Variants in ADK observed in about 807,000 individuals in gnomAD.
ADK encodes the protein N6,N6-dimethyladenosine kinase.
Under a neutral mutation model 44.7 loss-of-function variants are expected in ADK, and 24 were observed. The observed-to-expected ratio is 0.54, with a 90% CI of 0.39 to 0.76. ADK has a LOEUF of 0.76. Among genes scored for constraint, ADK ranks in the 30% least tolerant of loss-of-function variants. ADK has a pLI of 0.00. For synonymous variants in ADK, 128 were observed against 142.6 expected, an observed-to-expected ratio of 0.90 and a Z score of 0.73; for missense variants, 321 against 425.1, an observed-to-expected ratio of 0.76 and a Z score of 2.15.
At chr10:74,404,349 G>A (rs1043655824) in intron 6 of ADK, among the ~76,000 whole-genome samples, 8 of 151,920 alleles carry the variant, frequency 5.3e-5, no homozygotes, top group Middle Eastern at 6.8e-3. Flanking sequence ...TTTTACTCAG[G>A]TATTTATCAT....
At chr10:74,523,640 A>G (rs1170263737) in intron 6 of ADK, among the ~76,000 whole-genome samples, 1 of 152,172 alleles carries the variant, frequency 6.6e-6, no homozygotes, top group African/African-American at 2.4e-5. Flanking sequence ...GAGATCCCTT[A>G]GAACCTCAAC....
At position 74,255,290 on chromosome 10, in the gene ADK, G is replaced by A. The variant is rs149052042; in HGVS notation, c.194+30699G>A. On this transcript the variant is annotated intron_variant, in intron 3 of 10. Coordinates refer to ENST00000539909, the MANE Select transcript of ADK (RefSeq NM_006721.4). ...CCAAATCACCAGTGTGTCTTAGTTG[G>A]TTGTTTCCAGGTGGTTGGTCAGTTG... Among the ~76,000 whole-genome samples, 9 of 152,220 alleles carry A rather than the reference G, an allele frequency of 5.9e-5. No individual in the cohort carries two copies. In the East Asian group the frequency reaches 1.7e-3, roughly 29 times the overall value.
At chr10:74,176,846 C>G in intron 1 of ADK, 1 of 1,607,178 alleles carries the variant, frequency 6.2e-7, no homozygotes, top group Non-Finnish European at 8.5e-7. Context: ...ACGCGGGCGC[C>G]GTGGCGCTGG....
At chr10:74,247,833 TC>T (rs1470887775) in intron 3 of ADK, among the ~76,000 whole-genome samples, 1 of 152,188 alleles carries the variant, frequency 6.6e-6, no homozygotes, top group East Asian at 1.9e-4. Flanking sequence ...TTCCTTTTTT[TC>T]CCCCCTTCTT....
At chr10:74,180,234 TGTTATTATTA>T (rs1200086255) in intron 1 of ADK, among the ~76,000 whole-genome samples, 4 of 43,724 alleles carry the variant, frequency 9.1e-5, no homozygotes, top group African/African-American at 1.9e-4. Context: ...TTATTATTAT[TGTTATTATTA>T]ATTATTATTT....
intron 6 of ADK, among the ~76,000 whole-genome samples, chr10:74,448,882 T>TTAAA (rs1554860168): frequency 1.3e-4 from 20 of 148,600 alleles, no homozygotes; most frequent in African/African-American, 4.4e-4. Context: ...CTGCCTTTTT[T>TTAAA]AAAAAAAAAA....
At chr10:74,582,833 A>G (rs1230121907) in intron 7 of ADK, among the ~76,000 whole-genome samples, 1 of 152,182 alleles carries the variant, frequency 6.6e-6, no homozygotes, top group African/African-American at 2.4e-5. Flanking sequence ...GCATATGGTA[A>G]CAAATGTCAG....
rs185594522 is a variant in ADK at position 74,597,903 on chromosome 10, G to A, written c.763-2476G>A. 1.1e-3 allele frequency among the ~76,000 whole-genome samples: 168 copies of A among 152,250 alleles called. 1 individual carries two copies. Among genetic ancestry groups the A allele is most frequent in the African/African-American group, 3.8e-3 (159 of 41,558 alleles). On this transcript the variant is annotated intron_variant, in intron 8 of 10. Transcript: ENST00000539909. ...ACTAATCTATCTGGCTTAAGGTGAT[G>A]TCTGTCAATTTTCTCTACTATAACA...
chr10:74,703,946 T>C (rs1335771101), intron 10 of ADK, among the ~76,000 whole-genome samples: 1 of 152,254 alleles, frequency 6.6e-6, no homozygotes, highest in Non-Finnish European at 1.5e-5. Flanking sequence ...ATGCTTTTTG[T>C]ACTATTTTTA....
chr10:74,317,263 G>A lies in ADK; in HGVS notation c.273+2518G>A, dbSNP rs540217374. ...GTCTGAACTTCTTCCTAATGAAAGT[G>A]AAAAGTTCTTATCTGCTCAATATCC... is the stretch of plus-strand genomic sequence containing the variant. On this transcript the variant is annotated intron_variant, in intron 4 of 10. Transcript: ENST00000539909. Among the ~76,000 whole-genome samples, 26 of 152,262 alleles carry A rather than the reference G, an allele frequency of 1.7e-4. No individual in the cohort carries two copies. In the South Asian group the frequency reaches 4.8e-3, roughly 28 times the overall value.
chr10:74,452,175 A>G (rs1768460598), intron 6 of ADK, among the ~76,000 whole-genome samples: 1 of 152,008 alleles, frequency 6.6e-6, no homozygotes, highest in African/African-American at 2.4e-5. Flanking sequence ...AAAAATATGA[A>G]AGATCTTTTA....
intron 4 of ADK, among the ~76,000 whole-genome samples, chr10:74,367,728 G>A (rs1389775781): frequency 1.3e-5 from 2 of 152,156 alleles, no homozygotes; most frequent in Non-Finnish European, 2.9e-5. Context: ...GTAAACAAGT[G>A]TCCTTTTCAA....
At chr10:74,556,653 C>G (rs909135146) in intron 7 of ADK, among the ~76,000 whole-genome samples, 2 of 152,158 alleles carry the variant, frequency 1.3e-5, no homozygotes, top group Non-Finnish European at 2.9e-5. Flanking sequence ...TAGCTTTTCT[C>G]CTACTGTCTC....
intron 3 of ADK, among the ~76,000 whole-genome samples, chr10:74,244,021 C>T (rs1845322384): frequency 1.3e-5 from 2 of 151,992 alleles, no homozygotes; most frequent in Non-Finnish European, 2.9e-5. Context: ...AATACCACCA[C>T]AAGGTTAAGC....
At position 74,637,088 on chromosome 10, in the gene ADK, G is replaced by A. The variant is rs556497308; in HGVS notation, c.878-33095G>A. ...ATATTTTGAATTTAAGTGACTAGAA[G>A]GATAATGATAAACCCAATAGTAAGA... On this transcript the variant is annotated intron_variant, in intron 9 of 10. Coordinates refer to ENST00000539909, the MANE Select transcript of ADK (RefSeq NM_006721.4). Among the ~76,000 whole-genome samples the A allele has an allele frequency of 1.4e-4, 21 of 152,246 alleles. No homozygotes were observed. In the Middle Eastern group the frequency reaches 0.01, roughly 74 times the overall value.
At chr10:74,560,158 A>G (rs1205109015) in intron 7 of ADK, among the ~76,000 whole-genome samples, 1 of 152,010 alleles carries the variant, frequency 6.6e-6, no homozygotes, top group Non-Finnish European at 1.5e-5. Flanking sequence ...AGCTCAAGTG[A>G]TCCTCCCTCC....
chr10:74,675,790 G>A lies in ADK; in HGVS notation c.964+5521G>A, dbSNP rs572125343. Among the ~76,000 whole-genome samples the A allele has an allele frequency of 2.0e-5, 3 of 152,206 alleles. No homozygotes were observed. In the South Asian group the frequency reaches 6.2e-4, roughly 32 times the overall value. ...GTGTCTTCCCAGTAAATGAAACTGA[G>A]AAGAAAAATCATAACAAATAACATG... On this transcript the variant is annotated intron_variant, in intron 10 of 10. Transcript: ENST00000539909.
intron 1 of ADK, among the ~76,000 whole-genome samples, chr10:74,192,735 C>A (rs1842995466): frequency 6.6e-6 from 1 of 151,476 alleles, no homozygotes; most frequent in Non-Finnish European, 1.5e-5. Context: ...CTATGTTGCC[C>A]AGGCTGGTCT....
chr10:74,679,503 T>G (rs941928078), intron 10 of ADK, among the ~76,000 whole-genome samples: 3 of 152,208 alleles, frequency 2.0e-5, no homozygotes, highest in African/African-American at 7.2e-5. Flanking sequence ...GTTTCAATGT[T>G]CTGTGAAATC....
Sources: gnomAD v4.1 joint callset for allele counts (sites outside exome capture counted in the v4.1 genomes callset) on GRCh38, gnomAD v4.1.1 for gene constraint, MANE v1.5 for transcripts, NCBI Gene and HGNC (gene_info 2026-07-23, HGNC 2026-07-21) for gene names.